CACNA1H: variants seen among roughly 807,000 people sequenced by gnomAD.
CACNA1H encodes the protein voltage-dependent T-type calcium channel subunit alpha-1H.
CACNA1H carries 149 observed loss-of-function variants against 192.5 expected under a neutral mutation model. The observed-to-expected ratio is 0.77, with a 90% CI of 0.68 to 0.89. CACNA1H has a LOEUF of 0.89. Ranked by LOEUF, CACNA1H falls within the 40% of genes least tolerant of loss-of-function variation. CACNA1H has a pLI of 0.00. For missense variants in CACNA1H, 4,257 were observed against 3,423.5 expected, an observed-to-expected ratio of 1.24 and a Z score of -6.08; for synonymous variants, 2,202 against 1,475.2, an observed-to-expected ratio of 1.49 and a Z score of -11.29.
chr16:1,210,350 A>ACCCCCCCCC lies in CACNA1H; in HGVS notation c.3846-17_3846-16insCCCCCCCCC. 1.6e-5 allele frequency: 5 copies of ACCCCCCCCC among 313,942 alleles called. No homozygotes were observed. The highest frequency in any genetic ancestry group is 1.0e-4 in the East Asian group (1 of 9,778). The allele number at this position is 313,942 out of a possible 1,614,324, so 19.4% of individuals were successfully genotyped here. A position where few individuals can be genotyped will look rare whatever the true frequency, so the allele number is the denominator to read the frequency against. On this transcript the variant is annotated intron_variant, in intron 18 of 34. Transcript: ENST00000348261. ...TCCACGCCGCCCCGCCCCACCTCTCACCCGCCCCCGCCCACCCAGGTTCCG... is the reference window on the plus strand; with the variant it reads ...TCCACGCCGCCCCGCCCCACCTCTCACCCCCCCCCCCCGCCCCCGCCCACCCAGGTTCCG...
chr16:1,195,630 C>G (rs1966881032), intron 4 of CACNA1H, 65 bp downstream of exon 4: 3 of 1,526,320 alleles, frequency 2.0e-6, no homozygotes, highest in African/African-American at 1.4e-5. Flanking sequence ...ACAGGGATCC[C>G]TGTGTCCCAC....
intron 2 of CACNA1H, among the ~76,000 whole-genome samples, chr16:1,154,308 C>T (rs1962000772): frequency 6.6e-6 from 1 of 152,082 alleles, no homozygotes; most frequent in African/African-American, 2.4e-5. Flanking sequence ...GAGGCCCCCG[C>T]GGGCTTGGAG....
Position 1,213,883 on chromosome 16 carries a change from C to T in CACNA1H, c.4881C>T (p.Ile1627=), listed in dbSNP as rs576335604. 8.1e-6 allele frequency: 13 copies of T among 1,611,918 alleles called. No homozygotes were observed. In the East Asian group the frequency reaches 1.6e-4, roughly 19 times the overall value. ...HYLDLFITFI[I]CVNVITMSME... is the part of the protein sequence containing the mutation. ...TCGACCTCTTCATCACCTTCATCAT[C>T]TGTGTCAACGTCATCACCATGTCCA... The change falls in exon 27 of 35, where the codon ATC becomes ATT. Residue 1627 remains isoleucine (I), a synonymous_variant. Transcript: ENST00000348261.
chr16:1,185,007 C>T (rs1244685582), intron 2 of CACNA1H, among the ~76,000 whole-genome samples: 2 of 152,218 alleles, frequency 1.3e-5, no homozygotes, highest in Non-Finnish European at 2.9e-5. Flanking sequence ...GTTTCCCTCA[C>T]TCCAGAAGGA....
At position 1,218,323 on chromosome 16, in the gene CACNA1H, CGTG is replaced by C. The variant is rs1970201669; in HGVS notation, c.5567_5569del (p.Val1856del). 1 of 1,558,484 alleles carries C rather than the reference CGTG, an allele frequency of 6.4e-7. No homozygotes were observed. The highest frequency in any genetic ancestry group is 8.7e-7 in the Non-Finnish European group (1 of 1,151,806). On this transcript the variant is annotated inframe_deletion, in exon 33 of 35. Coordinates refer to ENST00000348261, the MANE Select transcript of CACNA1H (RefSeq NM_021098.3). ...TGGTGGCCCAGTTCGTGCTGGTGAACGTGGTGGTGGCCGTGCTCATGAAGCACC... is the reference window on the plus strand; with the variant it reads ...TGGTGGCCCAGTTCGTGCTGGTGAACGTGGTGGCCGTGCTCATGAAGCACC...
intron 2 of CACNA1H, among the ~76,000 whole-genome samples, chr16:1,163,593 C>T (rs990782230): frequency 2.6e-5 from 4 of 152,374 alleles, no homozygotes; most frequent in East Asian, 3.9e-4. Flanking sequence ...CTGGTCTTTG[C>T]GGGCAGCCGC....
Position 1,221,278 on chromosome 16 carries a change from G to A in CACNA1H, c.*284G>A, listed in dbSNP as rs999781468. 5 of 440,962 alleles carry A rather than the reference G, an allele frequency of 1.1e-5. No individual in the cohort carries two copies. Among genetic ancestry groups the A allele is most frequent in the African/African-American group, 6.0e-5 (3 of 50,276 alleles). The allele number at this position is 440,962 out of a possible 1,614,324, so 27.3% of individuals were successfully genotyped here. Reference sequence around the variant, plus strand: ...AGCCTCCCGTCAGGAGAGAAGCCGCGTCTGTGGGACGAAGACCGGGCACCC... The same window carrying A: ...AGCCTCCCGTCAGGAGAGAAGCCGCATCTGTGGGACGAAGACCGGGCACCC... On this transcript the variant is annotated 3_prime_UTR_variant, in exon 35 of 35. Transcript: ENST00000348261.
intron 2 of CACNA1H, among the ~76,000 whole-genome samples, chr16:1,188,823 C>T (rs1333406324): frequency 2.0e-5 from 3 of 152,342 alleles, no homozygotes; most frequent in South Asian, 2.1e-4. Context: ...CACCTAACCC[C>T]GGCCCTCCCA....
intron 2 of CACNA1H, among the ~76,000 whole-genome samples, chr16:1,156,079 C>T (rs576899323): frequency 1.9e-4 from 29 of 152,240 alleles, no homozygotes; most frequent in African/African-American, 5.1e-4. Context: ...AATGGGTGGT[C>T]GGCCTCCTGC....
At chr16:1,212,387 G>A (rs1462644699) in intron 25 of CACNA1H, 124 bp from the exon 26 acceptor site, 22 of 1,097,870 alleles carry the variant, frequency 2.0e-5, no homozygotes, top group Admixed American at 1.7e-4. Context: ...GTTCCCCACC[G>A]AGTCCTCACT....
chr16:1,204,414 A>G lies in CACNA1H; in HGVS notation c.2407A>G (p.Ile803Val), dbSNP rs769693344. The G allele has an allele frequency of 2.6e-6, 4 of 1,552,238 alleles. No homozygotes were observed. The highest frequency in any genetic ancestry group is 8.7e-7 in the Non-Finnish European group (1 of 1,150,176). ...KYFSRGIMMAILVNTLSMGVE... is the reference protein window; with the variant it reads ...KYFSRGIMMAVLVNTLSMGVE... ...CTTCAGCCGTGGCATCATGATGGCC[A>G]TCCTTGTCAACACGCTGAGCATGGG... The change falls in exon 10 of 35, where the codon ATC becomes GTC. Residue 803 changes from isoleucine to valine, a missense_variant. Physicochemically the swap from Ile to Val is conservative, Grantham distance 29 (BLOSUM62 3). Transcript: ENST00000348261.
At chr16:1,171,533 T>C (rs1324131304) in intron 2 of CACNA1H, among the ~76,000 whole-genome samples, 1 of 151,976 alleles carries the variant, frequency 6.6e-6, no homozygotes, top group Non-Finnish European at 1.5e-5. Flanking sequence ...GGGGTCAGGG[T>C]GGGTTTTATT....
intron 2 of CACNA1H, among the ~76,000 whole-genome samples, chr16:1,168,584 G>T (rs141914052): frequency 3.6e-4 from 55 of 152,126 alleles, no homozygotes; most frequent in African/African-American, 1.3e-3. Flanking sequence ...GGTCGTGGTG[G>T]GGAGGTTGAT....
At chr16:1,195,271 G>C (rs571286336) in intron 3 of CACNA1H, among the ~76,000 whole-genome samples, 161 bp from the exon 4 acceptor site, 3 of 132,032 alleles carry the variant, frequency 2.3e-5, no homozygotes, top group Admixed American at 8.1e-5. Flanking sequence ...GAGAGGCGAG[G>C]TTCAAGGCGA....
chr16:1,206,357 G>C, intron 12 of CACNA1H, 68 bp downstream of exon 12: 4 of 1,464,480 alleles, frequency 2.7e-6, no homozygotes, highest in Non-Finnish European at 3.7e-6. Context: ...CAAAGGCCCA[G>C]GGCACCCCCC....
rs753810940 is a variant in CACNA1H, at chr16:1,218,056, A to G, written c.5445+16A>G. On this transcript the variant is annotated intron_variant, in intron 32 of 34. Coordinates refer to ENST00000348261, the MANE Select transcript of CACNA1H (RefSeq NM_021098.3). ...GATCATGAAGGTACCCGCCGCGGCCATGCCTCTGGCACCTGGCAGCCCCAG... is the reference window on the plus strand; with the variant it reads ...GATCATGAAGGTACCCGCCGCGGCCGTGCCTCTGGCACCTGGCAGCCCCAG... 3 of 1,594,548 alleles carry G rather than the reference A, an allele frequency of 1.9e-6. No homozygotes were observed. The South Asian group carries it at 3.4e-5, about 18-fold the overall frequency.
In CACNA1H at chr16:1,209,253, G is replaced by A. The variant is rs1291839116; in HGVS notation, c.3585G>A (p.Arg1195=). The part of the protein sequence containing the change: ...APGPRATPLR[R]AESLDPRPLR... The stretch of plus-strand genomic sequence containing the variant: ...GGCCCCGTGCCACCCCACTGCGGCG[G>A]GCCGAGTCCCTGGACCCACGGCCCC... The change falls in exon 17 of 35, where the codon CGG becomes CGA. Residue 1195 remains arginine, a synonymous_variant. Coordinates refer to ENST00000348261, the MANE Select transcript of CACNA1H (RefSeq NM_021098.3). The A allele has an allele frequency of 6.5e-7, 1 of 1,546,150 alleles. No individual in the cohort carries two copies. Among genetic ancestry groups the A allele is most frequent in the Non-Finnish European group, 8.7e-7 (1 of 1,148,826 alleles).
Position 1,217,925 on chromosome 16 carries a change from G to C in CACNA1H, c.5330G>C (p.Ser1777Thr). 1 of 1,603,938 alleles carries C rather than the reference G, an allele frequency of 6.2e-7. No individual in the cohort carries two copies. Residue 1777 changes from serine to threonine, a missense_variant, in exon 32 of 35, where the codon AGT (serine) becomes ACT (threonine). Transcript: ENST00000348261. ...GVELFGRLECSEDNPCEGLSR... is the reference protein window; with the variant it reads ...GVELFGRLECTEDNPCEGLSR... ...GGGGTCTCCCTCCCCGCAGAGTGCA[G>C]TGAAGACAACCCCTGCGAGGGCCTG...
chr16:1,160,938 C>G (rs374750233), intron 2 of CACNA1H, among the ~76,000 whole-genome samples: 8 of 152,144 alleles, frequency 5.3e-5, no homozygotes, highest in Non-Finnish European at 8.8e-5. Flanking sequence ...GGCCCCCCCC[C>G]AGCCTCGGTG....
Sources: gnomAD v4.1 joint callset for allele counts (sites outside exome capture counted in the v4.1 genomes callset) on GRCh38, gnomAD v4.1.1 for gene constraint, MANE v1.5 for transcripts, NCBI Gene and HGNC (gene_info 2026-07-23, HGNC 2026-07-21) for gene names.